The following AKR1C8 variants were observed in gnomAD, a reference collection of about 807,000 sequenced individuals.
AKR1C8 encodes the protein aldo-keto reductase family 1 member C-like protein 1.
chr10:5,167,427 C>CT, the AKR1C8 span, among the ~76,000 whole-genome samples: 1 of 152,142 alleles, frequency 6.6e-6, no homozygotes, highest in East Asian at 1.9e-4. Context: ...AATGCGGCAC[C>CT]TATACAGCAT....
At chr10:5,121,782 C>T in the AKR1C8 span, among the ~76,000 whole-genome samples, 1 of 151,978 alleles carries the variant, frequency 6.6e-6, no homozygotes, top group Admixed American at 6.6e-5. Flanking sequence ...TTAAGACAGC[C>T]CTGTGCCTTC....
chr10:5,147,311 G>A, the AKR1C8 span, among the ~76,000 whole-genome samples: 40,988 of 151,902 alleles, frequency 0.27, 6,538 homozygotes, highest in Non-Finnish European at 0.36. Context: ...TTCCTACATT[G>A]AGAACTCAGC....
chr10:5,152,436 G>A, the AKR1C8 span, among the ~76,000 whole-genome samples: 20 of 152,186 alleles, frequency 1.3e-4, no homozygotes, highest in Admixed American at 1.3e-3. Context: ...AAGTAGCTTT[G>A]TGACTGTTGA....
At chr10:5,139,865 C>G in the AKR1C8 span, among the ~76,000 whole-genome samples, 5 of 152,234 alleles carry the variant, frequency 3.3e-5, no homozygotes, top group South Asian at 1.0e-3. Context: ...AGGCAACCTA[C>G]AGAATGGGAG....
At chr10:5,179,122 G>A in the AKR1C8 span, among the ~76,000 whole-genome samples, 1 of 152,168 alleles carries the variant, frequency 6.6e-6, no homozygotes, top group African/African-American at 2.4e-5. Context: ...GGTACTGGTT[G>A]TTCCTTTCCA....
At chr10:5,175,594 A>G in the AKR1C8 span, among the ~76,000 whole-genome samples, 1 of 152,356 alleles carries the variant, frequency 6.6e-6, no homozygotes, top group African/African-American at 2.4e-5. Context: ...TCCCACCAAC[A>G]GTGTAAAAGT....
chr10:5,164,533 C>T, the AKR1C8 span, among the ~76,000 whole-genome samples: 1 of 152,036 alleles, frequency 6.6e-6, no homozygotes, highest in South Asian at 2.1e-4. Flanking sequence ...AGGAGCCAAC[C>T]GTCAAACTCT....
chr10:5,147,345 C>T, the AKR1C8 span, among the ~76,000 whole-genome samples: 7 of 152,072 alleles, frequency 4.6e-5, no homozygotes, highest in Non-Finnish European at 1.0e-4. Flanking sequence ...GGTCAAATAT[C>T]GCAATTACAG....
chr10:5,154,409 A>C, the AKR1C8 span: 1 of 229,362 alleles, frequency 4.4e-6, no homozygotes, highest in Admixed American at 4.9e-5. Flanking sequence ...GATACTTGTT[A>C]GTAATTAAAA....
At chr10:5,143,367 T>C in the AKR1C8 span, among the ~76,000 whole-genome samples, 10 of 152,128 alleles carry the variant, frequency 6.6e-5, no homozygotes, top group Non-Finnish European at 1.5e-4. Flanking sequence ...CCAGGCCTTC[T>C]GATCTTTGCA....
chr10:5,125,516 G>T, the AKR1C8 span, among the ~76,000 whole-genome samples: 4 of 152,090 alleles, frequency 2.6e-5, no homozygotes, highest in Non-Finnish European at 5.9e-5. Context: ...GTGCTCTTTT[G>T]CAAGAGCTGG....
At chr10:5,179,558 A>C in the AKR1C8 span, among the ~76,000 whole-genome samples, 2 of 151,652 alleles carry the variant, frequency 1.3e-5, no homozygotes, top group African/African-American at 4.9e-5. Flanking sequence ...CTCCTGGATA[A>C]TATCCTGCAG....
chr10:5,124,855 T>G, the AKR1C8 span, among the ~76,000 whole-genome samples: 3 of 152,144 alleles, frequency 2.0e-5, no homozygotes, highest in African/African-American at 7.2e-5. Flanking sequence ...AATCTGTCAT[T>G]TCATGCTGCC....
the AKR1C8 span, among the ~76,000 whole-genome samples, chr10:5,142,028 G>A: frequency 8.5e-5 from 13 of 152,200 alleles, no homozygotes; most frequent in African/African-American, 2.9e-4. Flanking sequence ...GCTTATTGTA[G>A]TCGCTTTCAT....
the AKR1C8 span, among the ~76,000 whole-genome samples, chr10:5,124,058 G>A: frequency 8.5e-5 from 13 of 152,126 alleles, no homozygotes; most frequent in Non-Finnish European, 1.5e-5. Context: ...ACCAGATCCA[G>A]TATCTAACTA....
At chr10:5,136,837 A>C in the AKR1C8 span, among the ~76,000 whole-genome samples, 2 of 152,170 alleles carry the variant, frequency 1.3e-5, no homozygotes, top group Non-Finnish European at 2.9e-5. Context: ...AAAAGGTGTG[A>C]TAGCTGTACT....
At chr10:5,146,287 T>C in the AKR1C8 span, among the ~76,000 whole-genome samples, 1 of 151,904 alleles carries the variant, frequency 6.6e-6, no homozygotes, top group Non-Finnish European at 1.5e-5. Flanking sequence ...GCATGGCACA[T>C]GTATACGTAT....
the AKR1C8 span, among the ~76,000 whole-genome samples, chr10:5,124,596 A>G: frequency 6.6e-6 from 1 of 152,190 alleles, no homozygotes; most frequent in African/African-American, 2.4e-5. Flanking sequence ...ACAATACAAA[A>G]AATTAAAACA....
At chr10:5,173,455 AG>A in the AKR1C8 span, among the ~76,000 whole-genome samples, 2 of 152,010 alleles carry the variant, frequency 1.3e-5, no homozygotes, top group East Asian at 1.9e-4. Context: ...GAGGAACCAA[AG>A]GGGGCAGAGG....
Sources: gnomAD v4.1 joint callset for allele counts (sites outside exome capture counted in the v4.1 genomes callset) on GRCh38, gnomAD v4.1.1 for gene constraint, MANE v1.5 for transcripts, NCBI Gene and HGNC (gene_info 2026-07-23, HGNC 2026-07-21) for gene names.